Variants in ATP8B4 observed in about 807,000 individuals in gnomAD.
ATP8B4 encodes the protein probable phospholipid-transporting ATPase IM.
ATP8B4 carries 133 observed loss-of-function variants against 145.6 expected under a neutral mutation model. The ratio of observed to expected loss-of-function variants is 0.91; its 90% CI spans 0.79 to 1.05. ATP8B4 has a LOEUF of 1.05. ATP8B4 is among the 50% of genes least tolerant of loss of function. The probability of loss-of-function intolerance (pLI) is 0.00; values close to 1 mark genes in which losing one functional copy is unlikely to be tolerated. For missense variants in ATP8B4, 1,458 were observed against 1,425.2 expected (o/e 1.02, Z -0.37); for synonymous variants, 507 against 492.9 (o/e 1.03, Z -0.38).
intron 3 of ATP8B4, among the ~76,000 whole-genome samples, chr15:50,061,442 C>T (rs1206157502): frequency 2.6e-5 from 4 of 152,044 alleles, no homozygotes; most frequent in Admixed American, 2.0e-4. Flanking sequence ...AGCATATAGG[C>T]CCTGAACGGT....
intron 8 of ATP8B4, among the ~76,000 whole-genome samples, chr15:49,998,814 C>T (rs1179068294): frequency 8.1e-3 from 927 of 114,946 alleles, no homozygotes; most frequent in South Asian, 0.013. Flanking sequence ...AGTCCTTGCC[C>T]ATGCCTATGT....
chr15:49,913,362 A>C (rs958723752), intron 20 of ATP8B4, among the ~76,000 whole-genome samples: 1 of 152,168 alleles, frequency 6.6e-6, no homozygotes, highest in Non-Finnish European at 1.5e-5. Context: ...CTAGGTGTAG[A>C]TGGAACACAA....
rs912957460 is a variant in ATP8B4 at position 49,948,210 on chromosome 15, G to A, written c.1287+13767C>T. ...TCCCAGCACTTTGGGAGGTCGAGGC[G>A]GCAGATCAGGAGGTCAGGAGTTCGA... On this transcript the variant is annotated intron_variant, in intron 14 of 27. Coordinates refer to ENST00000284509, the MANE Select transcript of ATP8B4 (RefSeq NM_024837.4). Among the ~76,000 whole-genome samples the A allele has an allele frequency of 4.6e-5, 7 of 151,076 alleles. No individual in the cohort carries two copies. The East Asian group carries it at 5.8e-4, about 13-fold the overall frequency.
At chr15:49,992,911 A>T (rs1176182633) in intron 9 of ATP8B4, among the ~76,000 whole-genome samples, 1 of 152,174 alleles carries the variant, frequency 6.6e-6, no homozygotes, top group Non-Finnish European at 1.5e-5. Flanking sequence ...TACAATGTTG[A>T]TATCCTATTT....
chr15:50,072,208 GCCC>G (rs141179787), intron 3 of ATP8B4, among the ~76,000 whole-genome samples: 18,496 of 151,930 alleles, frequency 0.12, 1,221 homozygotes, highest in African/African-American at 0.17. Context: ...GCCAAAGTTT[GCCC>G]CTGGGACTCT....
At chr15:50,006,704 C>A (rs1011781207) in intron 7 of ATP8B4, among the ~76,000 whole-genome samples, 1 of 152,064 alleles carries the variant, frequency 6.6e-6, no homozygotes, top group Admixed American at 6.6e-5. Flanking sequence ...TTTAAAACAA[C>A]AATTCTATGA....
chr15:50,144,881 C>T (rs145192035), intron 1 of ATP8B4, among the ~76,000 whole-genome samples: 7 of 151,926 alleles, frequency 4.6e-5, no homozygotes, highest in African/African-American at 1.7e-4. Flanking sequence ...GGACTACTCT[C>T]AGCTGATCAG....
chr15:50,054,211 C>T (rs377367049), intron 3 of ATP8B4, among the ~76,000 whole-genome samples: 8 of 152,098 alleles, frequency 5.3e-5, no homozygotes, highest in African/African-American at 1.9e-4. Context: ...TGCTACTTGC[C>T]CAACATGAGT....
chr15:50,133,818 A>C (rs2044083492), intron 1 of ATP8B4, among the ~76,000 whole-genome samples: 1 of 152,066 alleles, frequency 6.6e-6, no homozygotes, highest in Non-Finnish European at 1.5e-5. Flanking sequence ...TAAGAGAGTA[A>C]ATCTTAAGCA....
At chr15:49,920,094 CA>C (rs1245304122) in intron 18 of ATP8B4, 151 bp downstream of exon 18, 2 of 1,084,328 alleles carry the variant, frequency 1.8e-6, no homozygotes, top group Non-Finnish European at 2.6e-6. Flanking sequence ...ATGGAAAACT[CA>C]AAGCCAACAT....
At chr15:50,071,216 A>T (rs2053711785) in intron 3 of ATP8B4, among the ~76,000 whole-genome samples, 1 of 152,200 alleles carries the variant, frequency 6.6e-6, no homozygotes, top group African/African-American at 2.4e-5. Context: ...TGTCTATATC[A>T]TTAGCATTTT....
At chr15:50,125,042 G>A (rs1038116346) in intron 1 of ATP8B4, among the ~76,000 whole-genome samples, 3 of 152,174 alleles carry the variant, frequency 2.0e-5, no homozygotes, top group African/African-American at 7.2e-5. Flanking sequence ...TGCTATCAGG[G>A]GAGTATAGTA....
At chr15:49,973,987 G>A (rs887201673) in intron 12 of ATP8B4, among the ~76,000 whole-genome samples, 5 of 151,204 alleles carry the variant, frequency 3.3e-5, no homozygotes, top group Admixed American at 6.6e-5. Context: ...TGATATCAGT[G>A]TATTTATTAA....
Position 50,175,321 on chromosome 15 carries a change from T to C in ATP8B4, c.-43+6940A>G, listed in dbSNP as rs562262487. 5.6e-4 allele frequency among the ~76,000 whole-genome samples: 85 copies of C among 152,268 alleles called. 1 individual carries two copies. The highest frequency in any genetic ancestry group is 9.4e-4 in the Non-Finnish European group (64 of 68,010). On this transcript the variant is annotated intron_variant, in intron 1 of 3. Coordinates refer to the ATP8B4 transcript ENST00000558829. Reference sequence around the variant, plus strand: ...GGATCTGATTAAACTAAAGAGCTTTTGCAAAGCAAAAGGAACAGCAGAGTA... The same window carrying C: ...GGATCTGATTAAACTAAAGAGCTTTCGCAAAGCAAAAGGAACAGCAGAGTA...
chr15:50,051,659 T>C lies in ATP8B4; in HGVS notation c.88-4195A>G, dbSNP rs192733057. Among the ~76,000 whole-genome samples, 428 of 152,338 alleles carry C rather than the reference T, an allele frequency of 2.8e-3. 2 individuals carry two copies. The highest frequency in any genetic ancestry group is 9.9e-3 in the African/African-American group (410 of 41,572). On this transcript the variant is annotated intron_variant, in intron 3 of 27. Transcript: ENST00000284509. ...AGAAAAGAATGGGGAAGATTAAAGCTAAGGAGAAAATACAGTTAAATAAGG... is the reference window on the plus strand; with the variant it reads ...AGAAAAGAATGGGGAAGATTAAAGCCAAGGAGAAAATACAGTTAAATAAGG...
chr15:50,027,261 T>C (rs1395123992), intron 6 of ATP8B4, among the ~76,000 whole-genome samples: 2 of 152,194 alleles, frequency 1.3e-5, no homozygotes, highest in African/African-American at 4.8e-5. Flanking sequence ...TGTCCATCTC[T>C]TCCCCTAGAC....
chr15:49,920,433 A>C (rs753723617), intron 17 of ATP8B4, 23 bp from the exon 18 acceptor site: 2 of 1,581,288 alleles, frequency 1.3e-6, no homozygotes, highest in Non-Finnish European at 1.7e-6. Context: ...ACATAGACTC[A>C]TGAACCATCA....
In ATP8B4 at chr15:49,918,799, C is replaced by T. The variant is rs190575686; in HGVS notation, c.2035+40G>A. ...AAAATTTTGTGATATAAGTCATCTC[C>T]CCATTTTCAAAATATCATCAACATC... is the stretch of plus-strand genomic sequence containing the variant. On this transcript the variant is annotated intron_variant, in intron 19 of 27. Coordinates refer to ENST00000284509, the MANE Select transcript of ATP8B4 (RefSeq NM_024837.4). The T allele has an allele frequency of 6.2e-5, 90 of 1,444,110 alleles. No homozygotes were observed. The African/African-American group carries it at 1.1e-3, about 18-fold the overall frequency. The allele number at this position is 1,444,110 out of a possible 1,614,324, so 89.5% of individuals were successfully genotyped here.
chr15:49,960,033 G>GTT (rs34520441), intron 14 of ATP8B4, among the ~76,000 whole-genome samples: 14,631 of 139,378 alleles, frequency 0.1, 896 homozygotes, highest in Non-Finnish European at 0.13. Flanking sequence ...AATTTTTTTG[G>GTT]TTTTTTTTTT....
Sources: gnomAD v4.1 joint callset for allele counts (sites outside exome capture counted in the v4.1 genomes callset) on GRCh38, gnomAD v4.1.1 for gene constraint, MANE v1.5 for transcripts, NCBI Gene and HGNC (gene_info 2026-07-23, HGNC 2026-07-21) for gene names.